WDFY4: variants seen among roughly 807,000 people sequenced by gnomAD.
The protein encoded by WDFY4 is WD repeat- and FYVE domain-containing protein 4.
A neutral mutation model predicts 351.9 loss-of-function variants in WDFY4; 169 were observed. The ratio of observed to expected loss-of-function variants is 0.48; its 90% CI spans 0.42 to 0.55. WDFY4 has a LOEUF of 0.55. Among genes scored for constraint, WDFY4 ranks in the 20% least tolerant of loss-of-function variants. WDFY4 has a pLI of 0.00. For synonymous variants in WDFY4, 1,622 were observed against 1,574.6 expected (o/e 1.03, Z -0.71); for missense variants, 3,803 against 3,935.6 (o/e 0.97, Z 0.90).
In WDFY4 at chr10:48,963,829, GT is replaced by G; in HGVS notation, c.8224-8del. The G allele has an allele frequency of 6.4e-7, 1 of 1,551,348 alleles. No individual in the cohort carries two copies. Among genetic ancestry groups the G allele is most frequent in the Non-Finnish European group, 8.7e-7 (1 of 1,146,920 alleles). On this transcript the variant is annotated splice_polypyrimidine_tract_variant and intron_variant, in intron 53 of 61. Coordinates refer to ENST00000325239, the MANE Select transcript of WDFY4 (RefSeq NM_001394531.1). ...TGGCCTGGGTTTTAATGCTCTTTGG[GT>G]TTTTGTTCCAGGCCCTGGAAAGTGA... is the stretch of plus-strand genomic sequence containing the variant.
intron 12 of WDFY4, among the ~76,000 whole-genome samples, chr10:48,751,395 A>G (rs892387574): frequency 3.9e-5 from 6 of 152,176 alleles, no homozygotes; most frequent in Admixed American, 2.6e-4. Flanking sequence ...GCTTTAAGCT[A>G]TAGGGATGGA....
chr10:48,913,485 A>T, intron 47 of WDFY4: 1 of 1,610,088 alleles, frequency 6.2e-7, no homozygotes, highest in Non-Finnish European at 8.5e-7. Context: ...CATGTTCTTG[A>T]TTCTATTCAG....
intron 19 of WDFY4, among the ~76,000 whole-genome samples, chr10:48,781,234 G>C (rs1023140749): frequency 6.6e-6 from 1 of 152,032 alleles, no homozygotes; most frequent in East Asian, 1.9e-4. Context: ...ATATATGTGT[G>C]TGTGTGTGTG....
At chr10:48,824,253 A>G in intron 35 of WDFY4, 1 of 927,506 alleles carries the variant, frequency 1.1e-6, no homozygotes, top group South Asian at 5.0e-5. Flanking sequence ...TCTGACCCTT[A>G]GCCTCTTATC....
intron 48 of WDFY4, among the ~76,000 whole-genome samples, chr10:48,942,377 T>C (rs532914197): frequency 8.7e-5 from 2 of 23,044 alleles, no homozygotes; most frequent in African/African-American, 1.6e-4. Context: ...TGTGCGTGTG[T>C]GCGTGTGTGT....
chr10:48,711,890 A>G (rs2063776389), intron 2 of WDFY4, among the ~76,000 whole-genome samples: 1 of 152,138 alleles, frequency 6.6e-6, no homozygotes, highest in African/African-American at 2.4e-5. Flanking sequence ...TAGATCTAAT[A>G]CTGACGGTTG....
chr10:48,829,273 C>G (rs1376131470), intron 37 of WDFY4, among the ~76,000 whole-genome samples: 1 of 152,158 alleles, frequency 6.6e-6, no homozygotes, highest in Non-Finnish European at 1.5e-5. Context: ...TAATTTAGTT[C>G]AAGCCATTAC....
At chr10:48,881,824 T>G (rs7909543) in intron 43 of WDFY4, among the ~76,000 whole-genome samples, 26,771 of 152,002 alleles carry the variant, frequency 0.18, 3,023 homozygotes, top group African/African-American at 0.32. Context: ...TTCACTCTTG[T>G]CTCCCAGCCT....
intron 11 of WDFY4, among the ~76,000 whole-genome samples, chr10:48,740,541 T>C (rs1215551820): frequency 6.6e-6 from 1 of 152,108 alleles, no homozygotes; most frequent in Non-Finnish European, 1.5e-5. Context: ...CTTTCACTTA[T>C]GCACACTGAG....
At chr10:48,836,779 G>A (rs6537580) in intron 39 of WDFY4, among the ~76,000 whole-genome samples, 66,848 of 151,944 alleles carry the variant, frequency 0.44, 15,617 homozygotes, top group East Asian at 0.83. Flanking sequence ...TTGGACAGAG[G>A]TTGGGAACTT....
intron 43 of WDFY4, among the ~76,000 whole-genome samples, chr10:48,881,865 C>T (rs1429933940): frequency 3.9e-5 from 6 of 152,152 alleles, no homozygotes; most frequent in South Asian, 4.1e-4. Flanking sequence ...TGTCCTGGTG[C>T]GCCCATCCCC....
At chr10:48,755,911 T>A (rs2065322797) in intron 12 of WDFY4, among the ~76,000 whole-genome samples, 1 of 152,146 alleles carries the variant, frequency 6.6e-6, no homozygotes, top group Non-Finnish European at 1.5e-5. Context: ...TTTTTGCACC[T>A]ATGTTCATTA....
chr10:48,906,639 T>C (rs1168082892), intron 47 of WDFY4, among the ~76,000 whole-genome samples: 1 of 152,054 alleles, frequency 6.6e-6, no homozygotes, highest in African/African-American at 2.4e-5. Flanking sequence ...AAAGGAGAAA[T>C]GATGGCAGGA....
At chr10:48,911,318 G>A (rs1228249502) in intron 47 of WDFY4, among the ~76,000 whole-genome samples, 6 of 152,318 alleles carry the variant, frequency 3.9e-5, no homozygotes, top group African/African-American at 1.4e-4. Context: ...TCTCTACTAC[G>A]TTACTGGTAG....
At chr10:48,882,891 T>G (rs889814465) in intron 43 of WDFY4, among the ~76,000 whole-genome samples, 2 of 152,242 alleles carry the variant, frequency 1.3e-5, no homozygotes, top group Admixed American at 6.5e-5. Context: ...CAGGAGGCTT[T>G]GTTATTTCCA....
At position 48,877,043 on chromosome 10, in the gene WDFY4, A is replaced by T. The variant is rs1003560213; in HGVS notation, c.7011A>T (p.Thr2337=). Residue 2337 remains threonine, a synonymous_variant, in exon 43 of 62, where the codon ACA becomes ACT. Transcript: ENST00000325239. ...QTNAENQDEL[T]LREAEGEPDE... ...TTTATGCTGCTGCAGATGAACTGAC[A>T]CTGAGGGAGGCTGAGGGCGAGCCGG... 2.7e-6 allele frequency: 4 copies of T among 1,493,386 alleles called. No individual in the cohort carries two copies. The highest frequency in any genetic ancestry group is 3.6e-6 in the Non-Finnish European group (4 of 1,119,420). The allele number at this position is 1,493,386 out of a possible 1,614,324, so 92.5% of individuals were successfully genotyped here.
At chr10:48,812,513 A>G (rs987511186) in intron 30 of WDFY4, among the ~76,000 whole-genome samples, 18 of 151,720 alleles carry the variant, frequency 1.2e-4, no homozygotes, top group Non-Finnish European at 1.5e-5. Flanking sequence ...TTGTATTTTC[A>G]GTTTTTCCTT....
rs918050814 is a variant in WDFY4 at position 48,743,375 on chromosome 10, C to G, written c.2286C>G (p.Ser762Arg). 6.4e-7 allele frequency: 1 copy of G among 1,551,566 alleles called. No individual in the cohort carries two copies. Among genetic ancestry groups the G allele is most frequent in the African/African-American group, 1.4e-5 (1 of 73,030 alleles). The change falls in exon 12 of 62, where the codon AGC becomes AGG. Residue 762 changes from serine (S) to arginine (R), a missense_variant. Ser to Arg is a moderately radical substitution (Grantham distance 110, BLOSUM62 -1). Around this residue, in one of 3 missense-constraint regions of WDFY4, gnomAD observed 3,054 missense variants for 3,148.6 expected, o/e 0.97. Coordinates refer to ENST00000325239, the MANE Select transcript of WDFY4 (RefSeq NM_001394531.1). ...SSGSLPPRIQ[S>R]CLQILGFLDS... ...GCTCACTCCCACCCCGGATACAGAG[C>G]TGCCTCCAGATCCTTGGCTTTCTGG... is the stretch of plus-strand genomic sequence containing the variant.
intron 43 of WDFY4, among the ~76,000 whole-genome samples, chr10:48,890,053 G>A (rs1381625020): frequency 2.0e-5 from 3 of 152,198 alleles, no homozygotes; most frequent in African/African-American, 7.2e-5. Flanking sequence ...GAAGGATCTG[G>A]GCAGAGCACC....
Sources: gnomAD v4.1 joint callset for allele counts (sites outside exome capture counted in the v4.1 genomes callset) on GRCh38, gnomAD v4.1.1 for gene constraint, gnomAD v4.1.1 regional missense constraint, MANE v1.5 for transcripts, NCBI Gene and HGNC (gene_info 2026-07-23, HGNC 2026-07-21) for gene names.